OPN1SW: variants seen among roughly 807,000 people sequenced by gnomAD.
The protein encoded by OPN1SW is opsin 1, short wave sensitive.
Under a neutral mutation model 31.9 loss-of-function variants are expected in OPN1SW, and 25 were observed. The observed-to-expected ratio is 0.78, with a 90% CI of 0.57 to 1.09. The LOEUF (loss-of-function observed/expected upper bound fraction) is 1.09. Ranked by LOEUF, OPN1SW falls within the 50% of genes least tolerant of loss-of-function variation. The pLI is 0.00. For missense variants in OPN1SW, 424 were observed against 448.0 expected, an observed-to-expected ratio of 0.95 and a Z score of 0.48; for synonymous variants, 190 against 171.9, an observed-to-expected ratio of 1.11 and a Z score of -0.82.
chr7:128,773,493 T>C (rs1801678047), intron 4 of OPN1SW, among the ~76,000 whole-genome samples, 156 bp downstream of exon 4: 1 of 152,188 alleles, frequency 6.6e-6, no homozygotes, highest in African/African-American at 2.4e-5. Flanking sequence ...TTCCTCCCTG[T>C]GCTTACCAAA....
Position 128,775,066 on chromosome 7 carries a change from G to A in OPN1SW, c.432C>T (p.Ser144=). ...CCAGGACCACCGTCAGTGCATGCTT[G>A]GAGCTGAAGCGGAAGTTGCCGAAGG... ...CKPFGNFRFS[S]KHALTVVLAT... The change falls in exon 2 of 5, where the codon TCC becomes TCT. Residue 144 remains serine (S), a synonymous_variant. Transcript: ENST00000249389. The A allele has an allele frequency of 1.2e-6, 2 of 1,614,206 alleles. No individual in the cohort carries two copies. The highest frequency in any genetic ancestry group is 1.6e-4 in the Middle Eastern group (1 of 6,062).
At chr7:128,773,544 C>G in intron 4 of OPN1SW, 105 bp downstream of exon 4, 1 of 1,509,458 alleles carries the variant, frequency 6.6e-7, no homozygotes, top group Non-Finnish European at 9.2e-7. Flanking sequence ...CTTCCCTCGT[C>G]TACTAGAAAC....
chr7:128,772,567 G>A lies in OPN1SW; in HGVS notation c.1011C>T (p.Val337=), dbSNP rs1801627332. Residue 337 remains valine (V), a synonymous_variant, in exon 5 of 5, where the codon GTC becomes GTT. Coordinates refer to ENST00000249389, the MANE Select transcript of OPN1SW (RefSeq NM_001385125.1). ...AGTTGGGGCCAACTTGGGTAGACGA[G>A]ACAGTAGAAACTTCTGTTTTCTGGG... is the stretch of plus-strand genomic sequence containing the variant. ...CSSQKTEVST[V]SSTQVGPN is the part of the protein sequence containing the mutation. 1 of 1,614,188 alleles carries A rather than the reference G, an allele frequency of 6.2e-7. No individual in the cohort carries two copies. Among genetic ancestry groups the A allele is most frequent in the Non-Finnish European group, 8.5e-7 (1 of 1,180,038 alleles).
intron 4 of OPN1SW, among the ~76,000 whole-genome samples, chr7:128,773,141 G>A (rs1801660903): frequency 6.6e-6 from 1 of 152,180 alleles, no homozygotes; most frequent in Non-Finnish European, 1.5e-5. Flanking sequence ...CAGATGATAA[G>A]ATATTTTAGA....
intron 3 of OPN1SW, 78 bp downstream of exon 3, chr7:128,774,420 A>T (rs1281684061): frequency 6.4e-7 from 1 of 1,571,218 alleles, no homozygotes; most frequent in Non-Finnish European, 8.7e-7. Context: ...ATTTCCAGGC[A>T]TCTTATGTTT....
At chr7:128,773,521 G>T in intron 4 of OPN1SW, 128 bp downstream of exon 4, 1 of 1,269,458 alleles carries the variant, frequency 7.9e-7, no homozygotes. Context: ...CAACCTACTC[G>T]GGGGTTTTGT....
chr7:128,773,621 C>T, intron 4 of OPN1SW, 28 bp downstream of exon 4: 1 of 1,614,052 alleles, frequency 6.2e-7, no homozygotes, highest in Non-Finnish European at 8.5e-7. Flanking sequence ...GTCTTCTGGA[C>T]CATAGGAATG....
chr7:128,774,866 C>G, intron 2 of OPN1SW, 120 bp downstream of exon 2: 1 of 1,419,348 alleles, frequency 7.0e-7, no homozygotes, highest in South Asian at 1.2e-5. Flanking sequence ...GCCCTTTCGC[C>G]TCATATTGCA....
rs202221519 is a variant in OPN1SW at position 128,773,636 on chromosome 7, T to C, written c.918+13A>G. ...GTCTTCTGGACCATAGGAATGTGAATAAAGAGCTTTACCTGCTTATTCATG... is the reference window on the plus strand; with the variant it reads ...GTCTTCTGGACCATAGGAATGTGAACAAAGAGCTTTACCTGCTTATTCATG... On this transcript the variant is annotated intron_variant, in intron 4 of 4. Coordinates refer to ENST00000249389, the MANE Select transcript of OPN1SW (RefSeq NM_001385125.1). 4.3e-5 allele frequency: 69 copies of C among 1,614,210 alleles called. No individual in the cohort carries two copies. The highest frequency in any genetic ancestry group is 5.4e-5 in the Non-Finnish European group (64 of 1,180,038).
intron 3 of OPN1SW, 150 bp from the exon 4 acceptor site, chr7:128,774,038 C>A: frequency 1.8e-6 from 2 of 1,094,120 alleles, no homozygotes; most frequent in African/African-American, 1.6e-5. Flanking sequence ...GGTGCAGTCT[C>A]GGCTCACTGA....
At chr7:128,775,346 C>T in intron 1 of OPN1SW, 93 bp downstream of exon 1, 1 of 1,396,654 alleles carries the variant, frequency 7.2e-7, no homozygotes, top group Non-Finnish European at 9.9e-7. Flanking sequence ...TTAAAAAGCA[C>T]CAGACTCATT....
In OPN1SW at chr7:128,774,028, G is replaced by T. The variant is rs186121008; in HGVS notation, c.679-140C>A. On this transcript the variant is annotated intron_variant, in intron 3 of 4. Coordinates refer to ENST00000249389, the MANE Select transcript of OPN1SW (RefSeq NM_001385125.1). ...CTGTTGCCCAGGCTGGAGTTGCAGT[G>T]GTGCAGTCTCGGCTCACTGAACCTC... is the stretch of plus-strand genomic sequence containing the variant. The T allele has an allele frequency of 6.4e-4, 767 of 1,201,632 alleles. 4 individuals carry two copies. The African/African-American group carries it at 0.011, about 17-fold the overall frequency. The allele number at this position is 1,201,632 out of a possible 1,614,324, so 74.4% of individuals were successfully genotyped here.
At chr7:128,773,457 T>A (rs1801676632) in intron 4 of OPN1SW, among the ~76,000 whole-genome samples, 192 bp downstream of exon 4, 1 of 152,180 alleles carries the variant, frequency 6.6e-6, no homozygotes, top group African/African-American at 2.4e-5. Context: ...TCCGGGGTTC[T>A]ATTTTCTCGT....
intron 2 of OPN1SW, 43 bp from the exon 3 acceptor site, chr7:128,774,706 G>A: frequency 6.2e-7 from 1 of 1,612,818 alleles, no homozygotes; most frequent in Non-Finnish European, 8.5e-7. Context: ...CTCCACAAGA[G>A]TGCAGTGGGA....
intron 1 of OPN1SW, 77 bp downstream of exon 1, chr7:128,775,362 C>A: frequency 6.9e-7 from 1 of 1,459,428 alleles, no homozygotes. Flanking sequence ...TCATTTCCCC[C>A]AGACTCCTCT....
rs751088647 is a variant in OPN1SW, at chr7:128,773,932, C to G, written c.679-44G>C. 3.8e-6 allele frequency: 6 copies of G among 1,561,844 alleles called. No homozygotes were observed. The South Asian group carries it at 7.3e-5, about 19-fold the overall frequency. Reference sequence around the variant, plus strand: ...AGCATCACATCTCTCTTTTTCCTGGCCCTCTGGATGCTTTTTTTTTTTTTT... The same window carrying G: ...AGCATCACATCTCTCTTTTTCCTGGGCCTCTGGATGCTTTTTTTTTTTTTT... On this transcript the variant is annotated intron_variant, in intron 3 of 4. Coordinates refer to ENST00000249389, the MANE Select transcript of OPN1SW (RefSeq NM_001385125.1).
Position 128,775,651 on chromosome 7 carries a change from A to AT in OPN1SW, c.130dup (p.Ile44AsnfsTer51). ...CACCATGGCATTGAGTGGGAACCCT[A>AT]TAAGGAAGACAGTGCCCATGAAAGC... is the stretch of plus-strand genomic sequence containing the variant. On this transcript the variant is annotated frameshift_variant, in exon 1 of 5. Transcript: ENST00000249389. LOFTEE classifies it high-confidence loss of function. 6.2e-7 allele frequency: 1 copy of AT among 1,614,160 alleles called. No individual in the cohort carries two copies. Among genetic ancestry groups the AT allele is most frequent in the Non-Finnish European group, 8.5e-7 (1 of 1,180,010 alleles).
chr7:128,775,420 C>A lies in OPN1SW; in HGVS notation c.343+19G>T. The A allele has an allele frequency of 6.2e-7, 1 of 1,606,780 alleles. No individual in the cohort carries two copies. The highest frequency in any genetic ancestry group is 1.1e-5 in the South Asian group (1 of 90,730). On this transcript the variant is annotated intron_variant, in intron 1 of 4. Transcript: ENST00000249389. ...TAGCAACCTTTGCCTTCCCCTAACC[C>A]CTTTTTCCCCTGCAGTACCTGCTAC...
rs760593376 is a variant in OPN1SW at position 128,775,536 on chromosome 7, G to A, written c.246C>T (p.Ile82=). 6.2e-7 allele frequency: 1 copy of A among 1,614,118 alleles called. No individual in the cohort carries two copies. Among genetic ancestry groups the A allele is most frequent in the East Asian group, 2.2e-5 (1 of 44,890 alleles). ...NVSFGGFLLC[I]FSVFPVFVAS... ...CGACGAAGACAGGGAAGACAGAGAA[G>A]ATGCAGAGGAGGAAGCCTCCGAAGG... is the stretch of plus-strand genomic sequence containing the variant. Residue 82 remains isoleucine, a synonymous_variant, in exon 1 of 5, where the codon ATC becomes ATT. Transcript: ENST00000249389.
Sources: gnomAD v4.1 joint callset for allele counts (sites outside exome capture counted in the v4.1 genomes callset) on GRCh38, gnomAD v4.1.1 for gene constraint, MANE v1.5 for transcripts, NCBI Gene and HGNC (gene_info 2026-07-23, HGNC 2026-07-21) for gene names.